The following TPCN2 variants were observed in gnomAD, a reference collection of about 807,000 sequenced individuals.
The protein encoded by TPCN2 is two pore channel protein 2.
In TPCN2, 92 loss-of-function variants were observed where a neutral mutation model predicts 111.4. The observed-to-expected ratio is 0.83, with a 90% CI of 0.70 to 0.98. The LOEUF is 0.98. Among genes scored for constraint, TPCN2 ranks in the 50% least tolerant of loss-of-function variants. The pLI, the probability that TPCN2 is intolerant of heterozygous loss-of-function variation, is 0.00. For synonymous variants in TPCN2, 405 were observed against 414.5 expected (o/e 0.98, Z 0.28); for missense variants, 995 against 980.1 (o/e 1.02, Z -0.20).
At chr11:69,087,685 T>G (rs896189753) in intron 24 of TPCN2, among the ~76,000 whole-genome samples, 190 bp from the exon 25 acceptor site, 1 of 152,122 alleles carries the variant, frequency 6.6e-6, no homozygotes, top group Admixed American at 6.5e-5. Flanking sequence ...GCCCCTGGGC[T>G]TTTAAGAATG....
At chr11:69,065,062 CTA>C (rs3065437) in intron 7 of TPCN2, among the ~76,000 whole-genome samples, 107,650 of 150,490 alleles carry the variant, frequency 0.72, 40,225 homozygotes, top group Non-Finnish European at 0.85. Flanking sequence ...TGTGGTGTGT[CTA>C]TGTGTGCATG....
At position 69,062,929 on chromosome 11, in the gene TPCN2, A is replaced by G; in HGVS notation, c.592A>G (p.Asn198Asp). 6.2e-7 allele frequency: 1 copy of G among 1,613,944 alleles called. No homozygotes were observed. Among genetic ancestry groups the G allele is most frequent in the Non-Finnish European group, 8.5e-7 (1 of 1,179,888 alleles). The change falls in exon 6 of 25, where the codon AAC (asparagine) becomes GAC (aspartate). Residue 198 changes from asparagine to aspartate, a missense_variant. Transcript: ENST00000294309. ...RLLRPFFLLQ[N>D]SSMMKKTLKC... ...TCTCCGTCCCTTCTTCCTGCTGCAGAACTCCTCTATGATGAAGAAGACCTT... is the reference window on the plus strand; with the variant it reads ...TCTCCGTCCCTTCTTCCTGCTGCAGGACTCCTCTATGATGAAGAAGACCTT...
intron 13 of TPCN2, among the ~76,000 whole-genome samples, chr11:69,077,958 G>A (rs1322868933): frequency 6.6e-6 from 1 of 152,180 alleles, no homozygotes; most frequent in African/African-American, 2.4e-5. Flanking sequence ...TCCCCTTGTT[G>A]ACCTCTTGCA....
chr11:69,074,545 C>T (rs570356350), intron 13 of TPCN2, among the ~76,000 whole-genome samples: 2 of 150,348 alleles, frequency 1.3e-5, no homozygotes, highest in South Asian at 2.1e-4. Flanking sequence ...TAGATAAAGG[C>T]GCTTGTCCTA....
At chr11:69,054,160 C>T in intron 2 of TPCN2, 63 bp downstream of exon 2, 1 of 1,412,642 alleles carries the variant, frequency 7.1e-7, no homozygotes, top group South Asian at 1.2e-5. Context: ...TTGGCTCGCC[C>T]CTCCAGGGGC....
At chr11:69,067,400 G>A in intron 7 of TPCN2, 103 bp from the exon 8 acceptor site, 1 of 1,034,842 alleles carries the variant, frequency 9.7e-7, no homozygotes, top group Non-Finnish European at 1.5e-6. Flanking sequence ...GATGCAGGCT[G>A]GGCGGCGGGT....
intron 5 of TPCN2, among the ~76,000 whole-genome samples, chr11:69,062,248 C>T (rs999271729): frequency 6.6e-6 from 1 of 152,160 alleles, no homozygotes; most frequent in South Asian, 2.1e-4. Context: ...ATCCACCCCA[C>T]GACCCAAACC....
Position 69,063,879 on chromosome 11 carries a change from C to T in TPCN2, c.654-16C>T, listed in dbSNP as rs146741102. On this transcript the variant is annotated splice_polypyrimidine_tract_variant and intron_variant, in intron 6 of 24. Coordinates refer to ENST00000294309, the MANE Select transcript of TPCN2 (RefSeq NM_139075.4). ...CCCGCCGCCTGGCCCAGGCTGAGTG[C>T]CGTGCTCTCCCCCAGCGTCGGGCTG... is the stretch of plus-strand genomic sequence containing the variant. 234 of 1,613,066 alleles carry T rather than the reference C, an allele frequency of 1.5e-4. No individual in the cohort carries two copies. The African/African-American group carries it at 2.7e-3, about 19-fold the overall frequency.
intron 4 of TPCN2, among the ~76,000 whole-genome samples, chr11:69,056,393 C>A (rs1405775994): frequency 6.6e-6 from 1 of 152,192 alleles, no homozygotes; most frequent in Non-Finnish European, 1.5e-5. Flanking sequence ...GTTAGCAGGT[C>A]TGGGGGTTTT....
rs115667066 is a variant in TPCN2, at chr11:69,059,747, A to C, written c.546+2053A>C. Among the ~76,000 whole-genome samples the C allele has an allele frequency of 6.5e-3, 994 of 152,346 alleles. 13 individuals are homozygous for C. Among genetic ancestry groups the C allele is most frequent in the African/African-American group, 0.023 (955 of 41,580 alleles). ...TGGTGCTGGGAGAGGCGTTGGAGGCAGGGCAGGCAGATTCATAACCTGCAT... is the reference window on the plus strand; with the variant it reads ...TGGTGCTGGGAGAGGCGTTGGAGGCCGGGCAGGCAGATTCATAACCTGCAT... On this transcript the variant is annotated intron_variant, in intron 5 of 24. Coordinates refer to ENST00000294309, the MANE Select transcript of TPCN2 (RefSeq NM_139075.4).
intron 24 of TPCN2, 81 bp downstream of exon 24, chr11:69,087,287 CG>C: frequency 1.6e-6 from 2 of 1,241,578 alleles, no homozygotes; most frequent in Non-Finnish European, 1.2e-6. Context: ...GTTGAGGCGG[CG>C]GGCAGGCCCT....
At chr11:69,065,905 T>A (rs547008519) in intron 7 of TPCN2, among the ~76,000 whole-genome samples, 1 of 152,228 alleles carries the variant, frequency 6.6e-6, no homozygotes, top group Non-Finnish European at 1.5e-5. Context: ...CTCCTCTGTG[T>A]CCCTGCAGAG....
At chr11:69,058,973 G>A (rs1434875968) in intron 5 of TPCN2, among the ~76,000 whole-genome samples, 1 of 152,212 alleles carries the variant, frequency 6.6e-6, no homozygotes, top group Admixed American at 6.5e-5. Flanking sequence ...AGAGACACAG[G>A]TCTACGTTAC....
At chr11:69,073,116 T>TC in intron 13 of TPCN2, 115 bp downstream of exon 13, 2 of 733,992 alleles carry the variant, frequency 2.7e-6, no homozygotes, top group Non-Finnish European at 4.7e-6. Context: ...CTGCCAGGGA[T>TC]CCTGGCTCCT....
Position 69,085,248 on chromosome 11 carries a change from G to T in TPCN2, c.1800G>T (p.Leu600Phe). 5.3e-6 allele frequency: 8 copies of T among 1,506,428 alleles called. No individual in the cohort carries two copies. Among genetic ancestry groups the T allele is most frequent in the Non-Finnish European group, 6.3e-6 (7 of 1,112,738 alleles). The allele number at this position is 1,506,428 out of a possible 1,614,324, so 93.3% of individuals were successfully genotyped here. A position where few individuals can be genotyped will look rare whatever the true frequency, so the allele number is the denominator to read the frequency against. Residue 600 changes from leucine (L) to phenylalanine (F), a missense_variant, in exon 20 of 25, where the codon TTG (leucine) becomes TTT (phenylalanine). By Grantham distance (22) the Leu-to-Phe change is conservative. Coordinates refer to ENST00000294309, the MANE Select transcript of TPCN2 (RefSeq NM_139075.4). Reference protein sequence around the residue: ...YYVFAIIGINLFRGVIVALPG... With the variant: ...YYVFAIIGINFFRGVIVALPG... ...TATTTGCCATCATTGGGATCAACTT[G>T]TTTAGAGGCGTCATTGTGGCTCTTC...
rs1435596706 is a variant in TPCN2 at position 69,088,439 on chromosome 11, G to A, written c.*486G>A. The A allele has an allele frequency of 1.9e-5, 3 of 158,546 alleles. No homozygotes were observed. Among genetic ancestry groups the A allele is most frequent in the African/African-American group, 7.2e-5 (3 of 41,598 alleles). The allele number at this position is 158,546 out of a possible 1,614,324, so 9.8% of individuals were successfully genotyped here. On this transcript the variant is annotated 3_prime_UTR_variant, in exon 25 of 25. Transcript: ENST00000294309. The stretch of plus-strand genomic sequence containing the variant: ...ATTATTTCATGGCTTGTATGAGTGT[G>A]ACTGGGTGTGTTTCTTTAGGGTTCT...
At chr11:69,079,526 C>CCTCG (rs1319880870) in intron 16 of TPCN2, 4 of 337,724 alleles carry the variant, frequency 1.2e-5, no homozygotes, top group Non-Finnish European at 2.2e-5. Flanking sequence ...CCAGCAGGCC[C>CCTCG]CTCGGCACAT....
chr11:69,064,869 G>T (rs1174886148), intron 7 of TPCN2, among the ~76,000 whole-genome samples: 1 of 151,320 alleles, frequency 6.6e-6, no homozygotes, highest in African/African-American at 2.5e-5. Context: ...TGGTGTTTAT[G>T]TCTGTGTGCG....
chr11:69,054,676 C>T (rs769595525), intron 2 of TPCN2, 45 bp from the exon 3 acceptor site: 1 of 1,577,896 alleles, frequency 6.3e-7, no homozygotes, highest in Admixed American at 1.7e-5. Context: ...CACGGCCCAC[C>T]CTGCATGCAC....
Sources: allele counts gnomAD v4.1 joint callset (sites outside exome capture counted in the v4.1 genomes callset), GRCh38; gene constraint gnomAD v4.1.1; transcripts MANE v1.5; gene names NCBI Gene and HGNC (gene_info 2026-07-23, HGNC 2026-07-21).